The following ALCAM variants were observed in gnomAD, a reference collection of about 807,000 sequenced individuals.
ALCAM encodes the protein activated leukocyte cell adhesion molecule.
ALCAM carries 30 observed loss-of-function variants against 70.9 expected under a neutral mutation model. That is an observed-to-expected ratio of 0.42 (90% CI 0.32 to 0.57). The LOEUF is 0.57. Ranked by LOEUF, ALCAM falls within the 20% of genes least tolerant of loss-of-function variation. ALCAM has a pLI of 0.11. For synonymous variants in ALCAM, 249 were observed against 242.5 expected, an observed-to-expected ratio of 1.03 and a Z score of -0.25; for missense variants, 591 against 695.1, an observed-to-expected ratio of 0.85 and a Z score of 1.68.
intron 14 of ALCAM, among the ~76,000 whole-genome samples, chr3:105,571,509 G>A (rs1008385855): frequency 3.9e-5 from 6 of 152,106 alleles, no homozygotes; most frequent in African/African-American, 1.2e-4. Flanking sequence ...GAGAAAATTC[G>A]CTTAGAACAA....
intron 9 of ALCAM, among the ~76,000 whole-genome samples, chr3:105,546,271 A>G (rs1940244745): frequency 6.6e-6 from 1 of 151,470 alleles, no homozygotes; most frequent in African/African-American, 2.4e-5. Context: ...CCTTTATAAG[A>G]AACTGTGGAG....
intron 1 of ALCAM, among the ~76,000 whole-genome samples, chr3:105,393,412 C>T (rs1935872451): frequency 6.6e-6 from 1 of 151,650 alleles, no homozygotes; most frequent in Non-Finnish European, 1.5e-5. Context: ...AGAAAACATA[C>T]CATAAGAGGA....
chr3:105,463,227 C>G (rs1937628371), intron 1 of ALCAM, among the ~76,000 whole-genome samples: 1 of 151,398 alleles, frequency 6.6e-6, no homozygotes, highest in Non-Finnish European at 1.5e-5. Flanking sequence ...TAATATTTCA[C>G]CTCCCTCAGT....
chr3:105,367,853 G>A (rs925273729), intron 1 of ALCAM, among the ~76,000 whole-genome samples: 15 of 152,076 alleles, frequency 9.9e-5, no homozygotes, highest in African/African-American at 3.6e-4. Flanking sequence ...ACTGCGCCCC[G>A]AGCAGTTTTT....
At chr3:105,406,246 T>C (rs1437621909) in intron 1 of ALCAM, among the ~76,000 whole-genome samples, 5 of 152,172 alleles carry the variant, frequency 3.3e-5, no homozygotes, top group Non-Finnish European at 7.4e-5. Context: ...TTTGAGGAGT[T>C]CTTCAGACCC....
At chr3:105,411,148 G>A (rs1936379630) in intron 1 of ALCAM, among the ~76,000 whole-genome samples, 2 of 152,056 alleles carry the variant, frequency 1.3e-5, no homozygotes, top group Admixed American at 6.6e-5. Flanking sequence ...ATAGTGAAGG[G>A]CCAGAGATCC....
chr3:105,424,936 G>C (rs1936752480), intron 1 of ALCAM, among the ~76,000 whole-genome samples: 1 of 151,724 alleles, frequency 6.6e-6, no homozygotes, highest in Admixed American at 6.6e-5. Flanking sequence ...CTATGTGTCT[G>C]CCCTTGTGTT....
intron 1 of ALCAM, among the ~76,000 whole-genome samples, chr3:105,477,083 C>A (rs937162485): frequency 1.3e-5 from 2 of 152,048 alleles, no homozygotes; most frequent in Admixed American, 6.6e-5. Flanking sequence ...GCCTCCCCAG[C>A]CATGTGGAAC....
intron 1 of ALCAM, among the ~76,000 whole-genome samples, chr3:105,413,468 G>T (rs1003909884): frequency 6.6e-6 from 1 of 151,988 alleles, no homozygotes; most frequent in Admixed American, 6.6e-5. Context: ...TTACAGACCT[G>T]GGTGATTGTG....
At chr3:105,545,013 G>T in intron 8 of ALCAM, 1 of 479,600 alleles carries the variant, frequency 2.1e-6, no homozygotes, top group Non-Finnish European at 3.9e-6. Context: ...CAATTAGATT[G>T]ACCACTCTCT....
chr3:105,571,842 T>C lies in ALCAM; in HGVS notation c.1665-10T>C, dbSNP rs201798571. On this transcript the variant is annotated splice_polypyrimidine_tract_variant and intron_variant, in intron 14 of 15. Coordinates refer to ENST00000306107, the MANE Select transcript of ALCAM (RefSeq NM_001627.4). Reference sequence around the variant, plus strand: ...GTCAATATGATGAAGTTTATTTAATTCTCTTACAGGACTGCATCAAAACAT... The same window carrying C: ...GTCAATATGATGAAGTTTATTTAATCCTCTTACAGGACTGCATCAAAACAT... 170 of 1,579,806 alleles carry C rather than the reference T, an allele frequency of 1.1e-4. No homozygotes were observed. The East Asian group carries it at 3.8e-3, about 35-fold the overall frequency.
intron 1 of ALCAM, among the ~76,000 whole-genome samples, chr3:105,430,085 G>A (rs1204323621): frequency 6.6e-6 from 1 of 151,648 alleles, no homozygotes; most frequent in African/African-American, 2.4e-5. Flanking sequence ...ACATTTTCAT[G>A]GACACTATAT....
chr3:105,541,829 A>G (rs945623249), intron 8 of ALCAM, 64 bp downstream of exon 8: 2 of 1,566,284 alleles, frequency 1.3e-6, no homozygotes, highest in African/African-American at 1.4e-5. Context: ...TAATGTAGCT[A>G]TCTTTTCAAA....
intron 1 of ALCAM, among the ~76,000 whole-genome samples, chr3:105,494,373 T>C (rs562968205): frequency 1.3e-5 from 2 of 152,306 alleles, no homozygotes; most frequent in East Asian, 1.9e-4. Context: ...ACCTGTTATA[T>C]TGTAGAATAT....
intron 1 of ALCAM, among the ~76,000 whole-genome samples, chr3:105,507,353 T>A (rs771961348): frequency 2.6e-5 from 4 of 152,226 alleles, no homozygotes; most frequent in Non-Finnish European, 5.9e-5. Flanking sequence ...AAACACTTAA[T>A]AATGTTTATT....
At chr3:105,418,819 A>G (rs905198074) in intron 1 of ALCAM, among the ~76,000 whole-genome samples, 5 of 151,590 alleles carry the variant, frequency 3.3e-5, no homozygotes, top group African/African-American at 1.2e-4. Context: ...CCAGATATTC[A>G]CTGTAGAAAA....
chr3:105,369,983 A>G (rs1374910304), intron 1 of ALCAM, among the ~76,000 whole-genome samples: 1 of 152,026 alleles, frequency 6.6e-6, no homozygotes. Context: ...TATTGCTTAA[A>G]AAAAGAATGC....
At chr3:105,521,996 G>T (rs185632665) in intron 2 of ALCAM, among the ~76,000 whole-genome samples, 1 of 152,172 alleles carries the variant, frequency 6.6e-6, no homozygotes, top group African/African-American at 2.4e-5. Context: ...CAATGCACTT[G>T]TTCAATCAAA....
intron 15 of ALCAM, 115 bp downstream of exon 15, chr3:105,572,079 G>T: frequency 1.6e-6 from 1 of 613,478 alleles, no homozygotes; most frequent in Middle Eastern, 2.7e-4. Context: ...AAAACAGGAA[G>T]AGAGGGGTTT....
Sources: gnomAD v4.1 joint callset for allele counts (sites outside exome capture counted in the v4.1 genomes callset) on GRCh38, gnomAD v4.1.1 for gene constraint, MANE v1.5 for transcripts, NCBI Gene and HGNC (gene_info 2026-07-23, HGNC 2026-07-21) for gene names.